MAU2: variants seen among roughly 807,000 people sequenced by gnomAD.
MAU2 encodes the protein MAU2 sister chromatid cohesion factor, also known as MAU2 chromatid cohesion factor homolog.
Under a neutral mutation model 89.1 loss-of-function variants are expected in MAU2, and 9 were observed. The observed-to-expected ratio is 0.10, with a 90% confidence interval of 0.06 to 0.18. MAU2 has a LOEUF of 0.18. Among genes scored for constraint, MAU2 ranks in the 10% least tolerant of loss-of-function variants. The pLI, the probability that MAU2 is intolerant of heterozygous loss-of-function variation, is 1.00. For synonymous variants in MAU2, 357 were observed against 343.4 expected (o/e 1.04, Z -0.44); for missense variants, 425 against 803.5 (o/e 0.53, Z 5.69).
At chr19:19,330,045 T>C (rs926243883) in intron 1 of MAU2, among the ~76,000 whole-genome samples, 2 of 151,768 alleles carry the variant, frequency 1.3e-5, no homozygotes, top group African/African-American at 4.8e-5. Context: ...AGTGGCGCAA[T>C]CTTAGCTCCC....
intron 1 of MAU2, among the ~76,000 whole-genome samples, chr19:19,330,307 A>G (rs2061545507): frequency 6.6e-6 from 1 of 151,804 alleles, no homozygotes; most frequent in Non-Finnish European, 1.5e-5. Context: ...AAACAAAACA[A>G]CAACAGGCCA....
intron 16 of MAU2, among the ~76,000 whole-genome samples, chr19:19,351,819 T>C (rs1430808303): frequency 1.3e-5 from 2 of 151,624 alleles, no homozygotes; most frequent in African/African-American, 4.8e-5. Flanking sequence ...GAGGTTTTGC[T>C]TGTCAGCCTG....
intron 1 of MAU2, among the ~76,000 whole-genome samples, chr19:19,328,159 C>CA (rs946417731): frequency 6.2e-3 from 551 of 89,084 alleles, no homozygotes; most frequent in African/African-American, 0.012. Context: ...GACCCTGTCT[C>CA]AAAAAAAAAA....
chr19:19,354,773 T>G (rs1028014309), intron 17 of MAU2, among the ~76,000 whole-genome samples: 3 of 152,204 alleles, frequency 2.0e-5, no homozygotes, highest in African/African-American at 7.2e-5. Context: ...ACCTATTGGG[T>G]AGGGCTGGCC....
intron 13 of MAU2, chr19:19,348,570 C>T (rs989940812): frequency 9.6e-6 from 5 of 519,096 alleles, no homozygotes; most frequent in African/African-American, 5.8e-5. Context: ...ACAGGGCTCA[C>T]GGGCCCCAGC....
chr19:19,349,817 CAT>C (rs1402521679), intron 16 of MAU2, among the ~76,000 whole-genome samples: 1 of 152,146 alleles, frequency 6.6e-6, no homozygotes, highest in Non-Finnish European at 1.5e-5. Context: ...GACTTCCAAA[CAT>C]ATCATCCTTG....
chr19:19,351,839 T>C (rs2061747777), intron 16 of MAU2, among the ~76,000 whole-genome samples: 1 of 28,748 alleles, frequency 3.5e-5, no homozygotes, highest in African/African-American at 9.4e-5. Flanking sequence ...GTTTGGTAAT[T>C]TTTTTTTTTT....
intron 1 of MAU2, chr19:19,334,202 G>A (rs892014206): frequency 3.0e-5 from 30 of 985,212 alleles, no homozygotes; most frequent in Non-Finnish European, 3.5e-5. Flanking sequence ...TCACCTCTGG[G>A]GCCACACTTC....
chr19:19,346,128 G>T (rs2061691187), intron 12 of MAU2, among the ~76,000 whole-genome samples: 2 of 152,096 alleles, frequency 1.3e-5, no homozygotes, highest in Non-Finnish European at 1.5e-5. Flanking sequence ...CAGGCCTGTG[G>T]GTGCTGCCAC....
chr19:19,347,626 A>T, intron 13 of MAU2: 1 of 412,034 alleles, frequency 2.4e-6, no homozygotes, highest in Non-Finnish European at 4.4e-6. Context: ...AAGCTGTATG[A>T]ATCACACAGA....
intron 1 of MAU2, among the ~76,000 whole-genome samples, chr19:19,329,777 GCC>G (rs2061539827): frequency 6.6e-6 from 1 of 150,954 alleles, no homozygotes; most frequent in Non-Finnish European, 1.5e-5. Context: ...GGGCAACATA[GCC>G]AGACCCTGTC....
intron 1 of MAU2, among the ~76,000 whole-genome samples, chr19:19,322,232 T>A (rs2061465803): frequency 6.6e-6 from 1 of 152,140 alleles, no homozygotes; most frequent in African/African-American, 2.4e-5. Context: ...TCTCCTGACC[T>A]CATGATCTGC....
chr19:19,337,314 C>G, intron 4 of MAU2, 49 bp downstream of exon 4: 1 of 1,449,300 alleles, frequency 6.9e-7, no homozygotes, highest in Admixed American at 1.7e-5. Flanking sequence ...GACCATGACC[C>G]TGGGGCACAC....
At chr19:19,332,098 G>A (rs2061559687) in intron 1 of MAU2, among the ~76,000 whole-genome samples, 3 of 152,202 alleles carry the variant, frequency 2.0e-5, no homozygotes, top group Admixed American at 6.5e-5. Flanking sequence ...GATGTTTCCC[G>A]AGCACCTACT....
At chr19:19,340,942 C>T in intron 6 of MAU2, 69 bp downstream of exon 6, 3 of 1,591,040 alleles carry the variant, frequency 1.9e-6, no homozygotes, top group Non-Finnish European at 2.6e-6. Context: ...CCCACAGAGT[C>T]TGCTCAGACC....
At chr19:19,336,211 A>T in intron 3 of MAU2, 24 bp downstream of exon 3, 1 of 1,554,690 alleles carries the variant, frequency 6.4e-7, no homozygotes, top group Non-Finnish European at 8.9e-7. Flanking sequence ...AAGGTTTCTG[A>T]AAGCAAAGTG....
intron 1 of MAU2, among the ~76,000 whole-genome samples, chr19:19,335,328 C>G (rs1292797622): frequency 1.3e-5 from 2 of 152,228 alleles, no homozygotes; most frequent in Admixed American, 1.3e-4. Flanking sequence ...CGTCCTTCCT[C>G]TCTGCCTGAC....
chr19:19,349,529 T>A, intron 16 of MAU2, 93 bp downstream of exon 16: 1 of 1,086,826 alleles, frequency 9.2e-7, no homozygotes, highest in Non-Finnish European at 1.4e-6. Context: ...GGCATGGCAC[T>A]GTTCATCCTA....
chr19:19,349,209 C>T lies in MAU2; in HGVS notation c.1413C>T (p.Phe471=). 6.2e-7 allele frequency: 1 copy of T among 1,614,188 alleles called. No individual in the cohort carries two copies. Among genetic ancestry groups the T allele is most frequent in the East Asian group, 2.2e-5 (1 of 44,884 alleles). Residue 471 remains phenylalanine, a synonymous_variant, in exon 15 of 19, where the codon TTC becomes TTT. Transcript: ENST00000262815. ...AFYVRGLFSF[F]QGRYNEAKRF... is the part of the protein sequence containing the mutation. ...ATGTGCGTGGGCTCTTCTCCTTCTTCCAGGGACGCTACAACGAGGCCAAGT... is the reference window on the plus strand; with the variant it reads ...ATGTGCGTGGGCTCTTCTCCTTCTTTCAGGGACGCTACAACGAGGCCAAGT...
Sources: allele counts gnomAD v4.1 joint callset (sites outside exome capture counted in the v4.1 genomes callset), GRCh38; gene constraint gnomAD v4.1.1; transcripts MANE v1.5; gene names NCBI Gene and HGNC (gene_info 2026-07-23, HGNC 2026-07-21).